Variants in NTN4 observed in about 807,000 individuals in gnomAD.
The protein encoded by NTN4 is netrin 4, also known as netrin-4.
NTN4 carries 32 observed loss-of-function variants against 73.6 expected under a neutral mutation model. The observed-to-expected ratio is 0.44, with a 90% CI of 0.33 to 0.58. The LOEUF (loss-of-function observed/expected upper bound fraction) is 0.58, where lower values mean the gene tolerates loss of function less well. NTN4 is among the 20% of genes least tolerant of loss of function. The pLI, the probability that NTN4 is intolerant of heterozygous loss-of-function variation, is 0.04. For missense variants in NTN4, 654 were observed against 798.3 expected (o/e 0.82, Z 2.18); for synonymous variants, 258 against 287.5 (o/e 0.90, Z 1.04).
intron 3 of NTN4, among the ~76,000 whole-genome samples, chr12:95,719,303 T>A (rs79436417): frequency 0.057 from 8,645 of 152,142 alleles, 808 homozygotes; most frequent in African/African-American, 0.2. Context: ...TAGACCATCA[T>A]GGGAACTTTA....
At chr12:95,691,865 C>G (rs1393027383) in intron 5 of NTN4, among the ~76,000 whole-genome samples, 1 of 152,092 alleles carries the variant, frequency 6.6e-6, no homozygotes, top group East Asian at 1.9e-4. Flanking sequence ...TATGGCCTGT[C>G]TAGGTGGTAA....
At chr12:95,661,072 T>A (rs1019623343) in intron 9 of NTN4, among the ~76,000 whole-genome samples, 2 of 152,186 alleles carry the variant, frequency 1.3e-5, no homozygotes, top group African/African-American at 4.8e-5. Context: ...CCAAGAAACA[T>A]AATAATTGTG....
intron 1 of NTN4, 32 bp from the exon 2 acceptor site, chr12:95,787,500 C>A: frequency 1.3e-6 from 2 of 1,598,702 alleles, no homozygotes; most frequent in Non-Finnish European, 1.7e-6. Flanking sequence ...TGATGCAAGA[C>A]AAACCCATCT....
chr12:95,697,278 T>G (rs746246027), intron 5 of NTN4, among the ~76,000 whole-genome samples: 7 of 152,094 alleles, frequency 4.6e-5, no homozygotes, highest in Non-Finnish European at 8.8e-5. Context: ...CATTAATCAA[T>G]CTGAAATTCC....
intron 2 of NTN4, among the ~76,000 whole-genome samples, chr12:95,750,070 C>G (rs2121212676): frequency 6.6e-6 from 1 of 152,220 alleles, no homozygotes; most frequent in Non-Finnish European, 1.5e-5. Flanking sequence ...AGAGGAGGGG[C>G]AAGTACCCCA....
rs761341945 is a variant in NTN4 at position 95,737,880 on chromosome 12, C to T, written c.850G>A (p.Gly284Arg). The change falls in exon 3 of 10, where the codon GGA becomes AGA. Residue 284 changes from glycine (G) to arginine (R), a missense_variant. Physicochemically the swap from Gly to Arg is moderately radical, Grantham distance 125 (BLOSUM62 -2). Transcript: ENST00000343702. ...GTTTCACCTACCATGTGGAATGTTC[C>T]TGGGGCCTTGACAGGTCTGAAGCCA... The part of the protein sequence containing the change: ...VHGFRPVKAP[G>R]TFHMVHGKCM... 5.6e-6 allele frequency: 9 copies of T among 1,611,354 alleles called. No homozygotes were observed. The Admixed American group carries it at 1.5e-4, about 27-fold the overall frequency.
In NTN4 at chr12:95,790,102, C is replaced by T. The variant is rs2079197126; in HGVS notation, c.55+153G>A. 1.7e-6 allele frequency: 1 copy of T among 572,036 alleles called. No individual in the cohort carries two copies. Among genetic ancestry groups the T allele is most frequent in the Non-Finnish European group, 3.0e-6 (1 of 335,318 alleles). 35.4% of individuals were successfully genotyped at this position (572,036 alleles called of 1,614,324 possible). A position where few individuals can be genotyped will look rare whatever the true frequency, so the allele number is the denominator to read the frequency against. On this transcript the variant is annotated intron_variant, in intron 1 of 9. Transcript: ENST00000343702. The surrounding 1 kb of genome is among the most constrained non-coding windows in gnomAD (Gnocchi z 6.5). ...TCAATAGTATTTGAAACTGCGGAGC[C>T]CCGGGGAAAGGAGGCGGAACATGGC... is the stretch of plus-strand genomic sequence containing the variant.
At chr12:95,729,065 A>T (rs1259120749) in intron 3 of NTN4, among the ~76,000 whole-genome samples, 2 of 151,798 alleles carry the variant, frequency 1.3e-5, no homozygotes, top group African/African-American at 4.8e-5. Context: ...AGCCAATTAA[A>T]CCTCCTTTCT....
At chr12:95,674,867 A>G (rs1355259489) in intron 7 of NTN4, among the ~76,000 whole-genome samples, 3 of 152,318 alleles carry the variant, frequency 2.0e-5, no homozygotes, top group African/African-American at 7.2e-5. Flanking sequence ...TGTGGACATG[A>G]GAGTCTGCAG....
At chr12:95,763,971 G>A (rs1025544289) in intron 2 of NTN4, among the ~76,000 whole-genome samples, 2 of 152,234 alleles carry the variant, frequency 1.3e-5, no homozygotes, top group African/African-American at 4.8e-5. Context: ...ATTATTTTGG[G>A]AGGTGAGAAA....
At chr12:95,700,329 T>A (rs1357506351) in intron 5 of NTN4, among the ~76,000 whole-genome samples, 1 of 152,070 alleles carries the variant, frequency 6.6e-6, no homozygotes, top group Non-Finnish European at 1.5e-5. Context: ...GGTTTTCAAA[T>A]GCTGAGCCAA....
chr12:95,680,992 A>G (rs1044944255), intron 7 of NTN4, among the ~76,000 whole-genome samples: 10 of 152,128 alleles, frequency 6.6e-5, no homozygotes, highest in African/African-American at 2.4e-4. Flanking sequence ...ATTCGAGACC[A>G]GCCTGGCCAA....
At position 95,790,674 on chromosome 12, in the gene NTN4, C is replaced by A. The variant is rs990626134; in HGVS notation, c.-365G>T. ...CCGCTGAACTTTGCGAGACCTTTCA[C>A]TTCCCGGCCGCCGCCGCCGCCTCCT... On this transcript the variant is annotated 5_prime_UTR_variant, in exon 1 of 10. Transcript: ENST00000343702. This position sits in a 1 kb window ranked among gnomAD's most constrained non-coding sequence, Gnocchi z 6.5. The A allele has an allele frequency of 5.2e-5, 9 of 171,866 alleles. No individual in the cohort carries two copies. Among genetic ancestry groups the A allele is most frequent in the Non-Finnish European group, 8.6e-5 (7 of 81,384 alleles). 10.6% of individuals were successfully genotyped at this position (171,866 alleles called of 1,614,324 possible).
At chr12:95,716,291 CTG>C (rs1168665037) in intron 3 of NTN4, among the ~76,000 whole-genome samples, 1 of 152,148 alleles carries the variant, frequency 6.6e-6, no homozygotes, top group Non-Finnish European at 1.5e-5. Flanking sequence ...GTCCCTGAGT[CTG>C]TGTCCTGAAG....
chr12:95,721,052 G>C (rs2078644174), intron 3 of NTN4, among the ~76,000 whole-genome samples: 1 of 152,166 alleles, frequency 6.6e-6, no homozygotes. Context: ...AAAGCTACCT[G>C]AACTCCAGCA....
In NTN4 at chr12:95,683,563, G is replaced by A; in HGVS notation, c.1329C>T (p.Asp443=). ...CACAGTCACATGGTCGACAGCCATA[G>A]TCTCCGAAGCCCCAGTATCCCACCA... The part of the protein sequence containing the change: ...RCMVGYWGFG[D]YGCRPCDCAG... Residue 443 remains aspartate (D), a synonymous_variant, in exon 6 of 10, where the codon GAC becomes GAT. Transcript: ENST00000343702. The A allele has an allele frequency of 2.5e-6, 4 of 1,614,218 alleles. No individual in the cohort carries two copies. The highest frequency in any genetic ancestry group is 3.4e-6 in the Non-Finnish European group (4 of 1,180,032).
chr12:95,691,967 A>T (rs1055489144), intron 5 of NTN4, among the ~76,000 whole-genome samples: 11 of 152,280 alleles, frequency 7.2e-5, no homozygotes, highest in Middle Eastern at 6.8e-3. Flanking sequence ...AAAATTATTA[A>T]AAATGTCAAT....
chr12:95,767,274 A>C (rs2079026885), intron 2 of NTN4, among the ~76,000 whole-genome samples: 1 of 152,164 alleles, frequency 6.6e-6, no homozygotes, highest in Non-Finnish European at 1.5e-5. Context: ...CCATCCTTTA[A>C]GAGACAACAA....
At chr12:95,693,971 GCCTTTGATGATGGAGT>G (rs2078421653) in intron 5 of NTN4, among the ~76,000 whole-genome samples, 1 of 151,978 alleles carries the variant, frequency 6.6e-6, no homozygotes, top group Non-Finnish European at 1.5e-5. Flanking sequence ...GATTGCTATA[GCCTTTGATGATGGAGT>G]CAAAGGAGGT....
Sources: gnomAD v4.1 joint callset for allele counts (sites outside exome capture counted in the v4.1 genomes callset) on GRCh38, gnomAD v4.1.1 for gene constraint, Gnocchi (gnomAD v3.1) non-coding constraint, MANE v1.5 for transcripts, NCBI Gene and HGNC (gene_info 2026-07-23, HGNC 2026-07-21) for gene names.